Variants in FHIT observed in about 807,000 individuals in gnomAD.
FHIT encodes bis(5'-adenosyl)-triphosphatase.
Under a neutral mutation model 17.9 loss-of-function variants are expected in FHIT, and 19 were observed. That is an observed-to-expected ratio of 1.06 (90% CI 0.74 to 1.56). The LOEUF (loss-of-function observed/expected upper bound fraction) is 1.56, where lower values mean the gene tolerates loss of function less well. FHIT is among the 40% of genes most tolerant of loss of function. The probability of loss-of-function intolerance (pLI) is 0.00; values close to 1 mark genes in which losing one functional copy is unlikely to be tolerated. For missense variants in FHIT, 248 were observed against 189.2 expected (o/e 1.31, Z -1.82); for synonymous variants, 81 against 69.7 (o/e 1.16, Z -0.81).
chr3:60,030,181 A>G (rs1213860127), intron 5 of FHIT, among the ~76,000 whole-genome samples: 1 of 152,164 alleles, frequency 6.6e-6, no homozygotes, highest in Non-Finnish European at 1.5e-5. Context: ...ACATCACAAT[A>G]TGACTGAAGG....
chr3:60,317,617 A>ATG (rs71950103), intron 5 of FHIT, among the ~76,000 whole-genome samples: 6,376 of 140,904 alleles, frequency 0.045, 347 homozygotes, highest in African/African-American at 0.13. Context: ...GTAATTATAT[A>ATG]TGTGTGTGTG....
intron 5 of FHIT, among the ~76,000 whole-genome samples, chr3:60,363,214 C>G (rs906771224): frequency 6.6e-6 from 1 of 152,098 alleles, no homozygotes; most frequent in Non-Finnish European, 1.5e-5. Context: ...CACATCAGTC[C>G]TTACCATTGC....
intron 7 of FHIT, among the ~76,000 whole-genome samples, chr3:60,004,350 C>T (rs553822819): frequency 7.8e-4 from 119 of 152,230 alleles, no homozygotes; most frequent in Non-Finnish European, 1.3e-3. Context: ...ATCCACTTTG[C>T]TATATGTCAG....
chr3:59,998,647 G>C (rs757887562), intron 7 of FHIT, among the ~76,000 whole-genome samples: 8 of 152,122 alleles, frequency 5.3e-5, no homozygotes, highest in African/African-American at 1.7e-4. Context: ...TCTCTGGAAA[G>C]AGCCAGCCAG....
At chr3:61,188,179 C>T (rs548979964) in intron 2 of FHIT, among the ~76,000 whole-genome samples, 9 of 151,862 alleles carry the variant, frequency 5.9e-5, no homozygotes, top group African/African-American at 7.3e-5. Context: ...ATTGATAGAC[C>T]GCTAGCAAGA....
rs142368074 is a variant in FHIT, at chr3:60,919,773, T to C, written c.-110-97762A>G. Among the ~76,000 whole-genome samples the C allele has an allele frequency of 7.2e-3, 1,103 of 152,322 alleles. 13 individuals are homozygous for C. Among genetic ancestry groups the C allele is most frequent in the Non-Finnish European group, 9.7e-3 (662 of 68,016 alleles). On this transcript the variant is annotated intron_variant, in intron 3 of 9. Coordinates refer to ENST00000492590, the MANE Select transcript of FHIT (RefSeq NM_002012.4). ...TGCATAGGCCAGGCGCAGTGGCTCA[T>C]GCTTGTAATCCCAGCACTTTGGGAG...
At chr3:61,042,714 C>T (rs1272563444) in intron 2 of FHIT, among the ~76,000 whole-genome samples, 1 of 151,812 alleles carries the variant, frequency 6.6e-6, no homozygotes, top group African/African-American at 2.4e-5. Flanking sequence ...GTCGTGGGTA[C>T]CTGTAATGCC....
chr3:60,763,683 G>C (rs1553720667), intron 4 of FHIT, among the ~76,000 whole-genome samples: 3 of 152,176 alleles, frequency 2.0e-5, no homozygotes, highest in Admixed American at 2.0e-4. Context: ...TACAAAATTG[G>C]AGTGTGATCA....
At chr3:60,889,842 A>G (rs574021515) in intron 3 of FHIT, among the ~76,000 whole-genome samples, 2 of 152,302 alleles carry the variant, frequency 1.3e-5, no homozygotes, top group African/African-American at 4.8e-5. Context: ...CTTGGTAGAC[A>G]GGACAAAAAG....
rs538434480 is a variant in FHIT, at chr3:60,277,538, G to A, written c.103+259322C>T. On this transcript the variant is annotated intron_variant, in intron 5 of 9. Coordinates refer to ENST00000492590, the MANE Select transcript of FHIT (RefSeq NM_002012.4). The stretch of plus-strand genomic sequence containing the variant: ...TAGAGTAACGAGCAGGCAACATGGC[G>A]CCAGCTGGGAGAAGTCGCCATTTGC... 5.3e-5 allele frequency among the ~76,000 whole-genome samples: 8 copies of A among 152,232 alleles called. No homozygotes were observed. In the East Asian group the frequency reaches 1.4e-3, roughly 26 times the overall value.
chr3:60,201,508 A>G (rs1702904490), intron 5 of FHIT, among the ~76,000 whole-genome samples: 1 of 152,102 alleles, frequency 6.6e-6, no homozygotes, highest in Non-Finnish European at 1.5e-5. Flanking sequence ...AGATAATCAG[A>G]AGAAAAGAAT....
chr3:60,619,539 G>T (rs2107749297), intron 4 of FHIT, among the ~76,000 whole-genome samples: 1 of 132,826 alleles, frequency 7.5e-6, no homozygotes, highest in African/African-American at 2.9e-5. Flanking sequence ...CAGTGAAACA[G>T]AAGAGAAAGC....
chr3:60,117,216 G>A (rs1044008625), intron 5 of FHIT, among the ~76,000 whole-genome samples: 11 of 152,032 alleles, frequency 7.2e-5, no homozygotes, highest in African/African-American at 2.2e-4. Context: ...TTTCTTCCCC[G>A]GCCTGGGAGC....
chr3:61,159,834 T>A (rs1391102800), intron 2 of FHIT, among the ~76,000 whole-genome samples: 7 of 152,204 alleles, frequency 4.6e-5, no homozygotes, highest in African/African-American at 1.7e-4. Flanking sequence ...GAATTCCTTT[T>A]CTTAAGTCAG....
intron 8 of FHIT, among the ~76,000 whole-genome samples, chr3:59,754,770 G>A (rs1559574081): frequency 6.6e-6 from 1 of 152,130 alleles, no homozygotes; most frequent in South Asian, 2.1e-4. Flanking sequence ...GGAAATAATA[G>A]GAAATAAATA....
intron 2 of FHIT, among the ~76,000 whole-genome samples, chr3:61,149,480 C>T (rs929828982): frequency 6.6e-6 from 1 of 151,694 alleles, no homozygotes; most frequent in Non-Finnish European, 1.5e-5. Context: ...TTTTAAATAT[C>T]CACCTGTTGA....
At chr3:60,182,462 GTTTCC>G (rs1360235866) in intron 5 of FHIT, among the ~76,000 whole-genome samples, 1 of 152,100 alleles carries the variant, frequency 6.6e-6, no homozygotes, top group Admixed American at 6.6e-5. Flanking sequence ...ATCTTGGTTA[GTTTCC>G]TTTCATTTTA....
intron 5 of FHIT, among the ~76,000 whole-genome samples, chr3:60,298,741 CT>C (rs1174816989): frequency 1.3e-5 from 2 of 152,016 alleles, no homozygotes; most frequent in Admixed American, 6.6e-5. Flanking sequence ...CTTTCTTAGC[CT>C]GCTAATGTGT....
In FHIT at chr3:60,448,543, AG is replaced by A. The variant is rs1056319394; in HGVS notation, c.103+88316del. 1.2e-3 allele frequency among the ~76,000 whole-genome samples: 190 copies of A among 152,316 alleles called. 1 individual carries two copies. The highest frequency in any genetic ancestry group is 4.3e-3 in the African/African-American group (180 of 41,582). On this transcript the variant is annotated intron_variant, in intron 5 of 9. Transcript: ENST00000492590. ...GTCATAATCCTCATTCTTACGGATA[AG>A]GAAAATGAAGCAGAGAGTGGGTAAG...
Sources: allele counts gnomAD v4.1 joint callset (sites outside exome capture counted in the v4.1 genomes callset), GRCh38; gene constraint gnomAD v4.1.1; transcripts MANE v1.5; gene names NCBI Gene and HGNC (gene_info 2026-07-23, HGNC 2026-07-21).